The following CPEB4 variants were observed in gnomAD, a reference collection of about 807,000 sequenced individuals.
CPEB4 encodes the protein cytoplasmic polyadenylation element binding protein 4.
A neutral mutation model predicts 72.5 loss-of-function variants in CPEB4; 12 were observed. That is an observed-to-expected ratio of 0.17 (90% CI 0.11 to 0.27). The LOEUF (loss-of-function observed/expected upper bound fraction) is 0.27. Among genes scored for constraint, CPEB4 ranks in the 10% least tolerant of loss-of-function variants. The pLI is 1.00. For missense variants in CPEB4, 614 were observed against 908.5 expected (o/e 0.68, Z 4.17); for synonymous variants, 302 against 326.3 (o/e 0.93, Z 0.80).
chr5:173,957,159 C>T lies in CPEB4; in HGVS notation c.*1022C>T, dbSNP rs900766290. ...AAAAACAACAACAGATCTAGAGATA[C>T]CTCAAGGATATCATTTTTGATTTTG... On this transcript the variant is annotated 3_prime_UTR_variant, in exon 10 of 10. Coordinates refer to ENST00000265085, the MANE Select transcript of CPEB4 (RefSeq NM_030627.4). 1 of 152,708 alleles carries T rather than the reference C, an allele frequency of 6.5e-6. No individual in the cohort carries two copies. The highest frequency in any genetic ancestry group is 2.4e-5 in the African/African-American group (1 of 41,442). The allele number at this position is 152,708 out of a possible 1,614,324, so 9.5% of individuals were successfully genotyped here.
rs993174466 is a variant in CPEB4 at position 173,961,414 on chromosome 5, A to G, written c.*5277A>G. 6.6e-6 allele frequency: 1 copy of G among 152,248 alleles called. No individual in the cohort carries two copies. The highest frequency in any genetic ancestry group is 1.5e-5 in the Non-Finnish European group (1 of 68,040). The allele number at this position is 152,248 out of a possible 1,614,324, so 9.4% of individuals were successfully genotyped here. A position where few individuals can be genotyped will look rare whatever the true frequency, so the allele number is the denominator to read the frequency against. On this transcript the variant is annotated 3_prime_UTR_variant, in exon 10 of 10. Coordinates refer to ENST00000265085, the MANE Select transcript of CPEB4 (RefSeq NM_030627.4). ...AAGTGAGATATCAATGATATGTGATATAACAACTCTATCTTGAAATTACAT... is the reference window on the plus strand; with the variant it reads ...AAGTGAGATATCAATGATATGTGATGTAACAACTCTATCTTGAAATTACAT...
intron 1 of CPEB4, among the ~76,000 whole-genome samples, chr5:173,894,464 T>C: frequency 6.6e-6 from 1 of 151,488 alleles, no homozygotes. Flanking sequence ...CTACTAAAAA[T>C]ACAAAAATTA....
chr5:173,912,197 A>G (rs749733103), intron 2 of CPEB4, among the ~76,000 whole-genome samples: 3 of 152,114 alleles, frequency 2.0e-5, no homozygotes, highest in Admixed American at 6.6e-5. Flanking sequence ...TATTTTTGCT[A>G]CTTTTTAGCA....
In CPEB4 at chr5:173,958,147, A is replaced by T. The variant is rs1253954068; in HGVS notation, c.*2010A>T. On this transcript the variant is annotated 3_prime_UTR_variant, in exon 10 of 10. Coordinates refer to ENST00000265085, the MANE Select transcript of CPEB4 (RefSeq NM_030627.4). ...TAAACAGGTGTGATGAGTTAACAAG[A>T]AATAACACTGTTTGAGAACTAGCTT... The T allele has an allele frequency of 6.5e-6, 1 of 152,778 alleles. No individual in the cohort carries two copies. The highest frequency in any genetic ancestry group is 6.5e-5 in the Admixed American group (1 of 15,278). The allele number at this position is 152,778 out of a possible 1,614,324, so 9.5% of individuals were successfully genotyped here.
chr5:173,949,648 A>G (rs745408113), intron 6 of CPEB4, 51 bp downstream of exon 6: 2 of 1,252,818 alleles, frequency 1.6e-6, no homozygotes, highest in South Asian at 1.3e-5. Flanking sequence ...ACATTGTTTA[A>G]TGTGTAGCCT....
At chr5:173,891,644 G>A (rs1254727915) in intron 1 of CPEB4, 3 of 152,080 alleles carry the variant, frequency 2.0e-5, no homozygotes, top group Non-Finnish European at 4.4e-5. Context: ...TGTCTTTCTT[G>A]CTACCAGAAT....
chr5:173,919,123 C>T (rs1019477238), intron 2 of CPEB4, among the ~76,000 whole-genome samples: 2 of 152,050 alleles, frequency 1.3e-5, no homozygotes, highest in African/African-American at 4.8e-5. Flanking sequence ...GTTTGACATA[C>T]ATTCAGGGCA....
rs780439117 is a variant in CPEB4, at chr5:173,890,117, T to C, written c.384T>C (p.Asn128=). 1.9e-6 allele frequency: 3 copies of C among 1,613,912 alleles called. No homozygotes were observed. In the East Asian group the frequency reaches 6.7e-5, roughly 36 times the overall value. ...GGGACAATTCTTCGGAAAATGGCAA[T>C]GGGAAGGAGAAAATAAGGATCGAAT... ...NQGDNSSENG[N]GKEKIRIESP... The change falls in exon 1 of 10, where the codon AAT becomes AAC. Residue 128 remains asparagine (N), a synonymous_variant. Transcript: ENST00000265085.
chr5:173,910,686 C>A (rs1427417591), intron 2 of CPEB4, 82 bp downstream of exon 2: 1 of 887,640 alleles, frequency 1.1e-6, no homozygotes, highest in Non-Finnish European at 1.9e-6. Context: ...CACAGTATGG[C>A]AAATATTATG....
intron 2 of CPEB4, among the ~76,000 whole-genome samples, chr5:173,922,015 G>A (rs958601913): frequency 6.6e-6 from 1 of 152,146 alleles, no homozygotes; most frequent in Non-Finnish European, 1.5e-5. Context: ...AAGAATTGGA[G>A]ATCCCAAAGA....
At chr5:173,939,391 G>GT (rs1376363129) in intron 3 of CPEB4, among the ~76,000 whole-genome samples, 3 of 152,054 alleles carry the variant, frequency 2.0e-5, no homozygotes, top group Non-Finnish European at 4.4e-5. Flanking sequence ...CCTACTAGGT[G>GT]TTTCTTCTTT....
At chr5:173,947,804 T>C (rs1195952919) in intron 5 of CPEB4, among the ~76,000 whole-genome samples, 1 of 152,132 alleles carries the variant, frequency 6.6e-6, no homozygotes, top group Non-Finnish European at 1.5e-5. Flanking sequence ...AGAGCACCTG[T>C]AACTTAGTTT....
At chr5:173,917,343 A>G (rs968063873) in intron 2 of CPEB4, among the ~76,000 whole-genome samples, 6 of 152,246 alleles carry the variant, frequency 3.9e-5, no homozygotes, top group African/African-American at 1.4e-4. Context: ...AAATAAGAAC[A>G]GATTACTGGT....
intron 3 of CPEB4, among the ~76,000 whole-genome samples, chr5:173,937,243 A>G (rs752842241): frequency 1.4e-4 from 21 of 152,018 alleles, no homozygotes; most frequent in Non-Finnish European, 2.4e-4. Context: ...GGGTTTTACA[A>G]TGTTGGCCAG....
At chr5:173,913,096 G>A (rs1287232803) in intron 2 of CPEB4, among the ~76,000 whole-genome samples, 2 of 151,848 alleles carry the variant, frequency 1.3e-5, no homozygotes, top group East Asian at 3.9e-4. Flanking sequence ...GAAAATATAG[G>A]TTACAAACAG....
chr5:173,896,464 A>G (rs1756016665), intron 1 of CPEB4, among the ~76,000 whole-genome samples: 1 of 152,236 alleles, frequency 6.6e-6, no homozygotes, highest in African/African-American at 2.4e-5. Context: ...GTTTTCAAAA[A>G]ATACTTAGTA....
intron 1 of CPEB4, among the ~76,000 whole-genome samples, chr5:173,901,498 C>T (rs578123859): frequency 6.6e-5 from 10 of 152,248 alleles, no homozygotes; most frequent in Non-Finnish European, 1.0e-4. Context: ...CTCTGATGCT[C>T]GTTGTCTTCA....
chr5:173,939,928 A>G (rs1025313038), intron 3 of CPEB4, among the ~76,000 whole-genome samples: 5 of 148,984 alleles, frequency 3.4e-5, no homozygotes, highest in African/African-American at 4.9e-5. Flanking sequence ...CCTGTTCAAC[A>G]GGGTAAAACC....
At chr5:173,916,200 C>T (rs1756861282) in intron 2 of CPEB4, among the ~76,000 whole-genome samples, 2 of 152,156 alleles carry the variant, frequency 1.3e-5, no homozygotes, top group South Asian at 4.1e-4. Context: ...ACTTAGATAT[C>T]ATATTATTCC....
Sources: gnomAD v4.1 joint callset for allele counts (sites outside exome capture counted in the v4.1 genomes callset) on GRCh38, gnomAD v4.1.1 for gene constraint, MANE v1.5 for transcripts, NCBI Gene and HGNC (gene_info 2026-07-23, HGNC 2026-07-21) for gene names.